SDK1: variants seen among roughly 807,000 people sequenced by gnomAD.
The protein encoded by SDK1 is protein sidekick-1.
SDK1 carries 157 observed loss-of-function variants against 245.5 expected under a neutral mutation model. That is an observed-to-expected ratio of 0.64 (90% CI 0.56 to 0.73). The LOEUF is 0.73. Ranked by LOEUF, SDK1 falls within the 30% of genes least tolerant of loss-of-function variation. The pLI is 0.00. For missense variants in SDK1, 3,583 were observed against 3,002.3 expected (o/e 1.19, Z -4.52); for synonymous variants, 1,647 against 1,278.5 (o/e 1.29, Z -6.15).
At chr7:3,414,524 A>G (rs1269530457) in intron 1 of SDK1, among the ~76,000 whole-genome samples, 1 of 152,220 alleles carries the variant, frequency 6.6e-6, no homozygotes, top group Non-Finnish European at 1.5e-5. Context: ...TTCCTTGATC[A>G]CAAAAAATGA....
chr7:4,083,457 T>C (rs1781193380), intron 22 of SDK1, among the ~76,000 whole-genome samples: 1 of 151,644 alleles, frequency 6.6e-6, no homozygotes, highest in Admixed American at 6.6e-5. Flanking sequence ...ACTTGACCTG[T>C]TCCTCTACCC....
intron 1 of SDK1, among the ~76,000 whole-genome samples, chr7:3,463,251 A>G (rs1267500575): frequency 1.3e-5 from 2 of 152,210 alleles, no homozygotes; most frequent in East Asian, 1.9e-4. Context: ...CTCAGTAACC[A>G]TGATAGCAAG....
At chr7:4,039,233 C>T (rs1432135568) in intron 17 of SDK1, among the ~76,000 whole-genome samples, 1 of 151,828 alleles carries the variant, frequency 6.6e-6, no homozygotes, top group African/African-American at 2.4e-5. Flanking sequence ...AGCACACCAA[C>T]ATGGCACATG....
At chr7:3,629,541 T>C (rs528971968) in intron 2 of SDK1, among the ~76,000 whole-genome samples, 1 of 152,276 alleles carries the variant, frequency 6.6e-6, no homozygotes, top group South Asian at 2.1e-4. Context: ...AAACCTCATA[T>C]TCATGAGTTT....
intron 1 of SDK1, chr7:3,338,573 G>C: frequency 3.5e-6 from 1 of 285,542 alleles, no homozygotes; most frequent in South Asian, 5.2e-5. Flanking sequence ...GAGCTGCTGG[G>C]GTGTCTCTCC....
chr7:3,475,980 A>G (rs1583914939), intron 1 of SDK1: 2 of 152,588 alleles, frequency 1.3e-5, no homozygotes, highest in African/African-American at 4.8e-5. Context: ...TGCTGTTTAT[A>G]CTTCCTGCTT....
At chr7:3,753,061 T>A (rs1192499452) in intron 4 of SDK1, among the ~76,000 whole-genome samples, 2 of 152,204 alleles carry the variant, frequency 1.3e-5, no homozygotes, top group African/African-American at 4.8e-5. Flanking sequence ...CACTGAGATC[T>A]TTCAATGTAC....
intron 25 of SDK1, among the ~76,000 whole-genome samples, chr7:4,124,898 G>A (rs1282412404): frequency 6.6e-6 from 1 of 150,988 alleles, no homozygotes; most frequent in Non-Finnish European, 1.5e-5. Flanking sequence ...ATGGGTGGAT[G>A]GATGGATGGA....
intron 43 of SDK1, among the ~76,000 whole-genome samples, chr7:4,242,834 G>A (rs142323453): frequency 1.8e-4 from 27 of 152,292 alleles, no homozygotes; most frequent in African/African-American, 6.0e-4. Context: ...TCCCTGGGCC[G>A]CCCCCGCCCT....
chr7:3,735,095 G>A (rs1428116128), intron 4 of SDK1, among the ~76,000 whole-genome samples: 1 of 152,036 alleles, frequency 6.6e-6, no homozygotes, highest in Non-Finnish European at 1.5e-5. Flanking sequence ...TCATAGGGCA[G>A]GAGTCCAGCT....
chr7:3,501,551 G>A (rs1483542354), intron 1 of SDK1, among the ~76,000 whole-genome samples: 1 of 152,084 alleles, frequency 6.6e-6, no homozygotes, highest in Non-Finnish European at 1.5e-5. Flanking sequence ...GTGGAAAGGT[G>A]ATTTAGTCAT....
chr7:3,590,611 G>T (rs13438455), intron 1 of SDK1, among the ~76,000 whole-genome samples: 9 of 152,088 alleles, frequency 5.9e-5, no homozygotes, highest in Non-Finnish European at 1.3e-4. Flanking sequence ...TTTTGGGGAA[G>T]ATTGCAAATT....
intron 5 of SDK1, among the ~76,000 whole-genome samples, chr7:3,895,564 G>A (rs1781581878): frequency 6.6e-6 from 1 of 152,174 alleles, no homozygotes; most frequent in African/African-American, 2.4e-5. Flanking sequence ...GCAGTGATGA[G>A]GAAGACAAGA....
chr7:3,571,458 A>G (rs1419812744), intron 1 of SDK1, among the ~76,000 whole-genome samples: 1 of 151,906 alleles, frequency 6.6e-6, no homozygotes, highest in African/African-American at 2.4e-5. Flanking sequence ...CCGTACCACC[A>G]TGCCCAGCTA....
Position 3,507,576 on chromosome 7 carries a change from T to C in SDK1, c.299-111504T>C, listed in dbSNP as rs181219501. The stretch of plus-strand genomic sequence containing the variant: ...GTGGCTGACAGTCCCCTCTGTATTA[T>C]TATTTAACCTGTTATTTTATAGTCC... On this transcript the variant is annotated intron_variant, in intron 1 of 44. Coordinates refer to ENST00000404826, the MANE Select transcript of SDK1 (RefSeq NM_152744.4). Among the ~76,000 whole-genome samples the C allele has an allele frequency of 4.0e-4, 61 of 152,300 alleles. 1 individual carries two copies. The highest frequency in any genetic ancestry group is 6.9e-4 in the Non-Finnish European group (47 of 68,014).
chr7:3,743,405 T>G (rs1372096107), intron 4 of SDK1, among the ~76,000 whole-genome samples: 1 of 152,164 alleles, frequency 6.6e-6, no homozygotes, highest in Non-Finnish European at 1.5e-5. Flanking sequence ...CTCTCTTACC[T>G]CTTTTCTCAT....
At chr7:3,934,850 A>G (rs184928786) in intron 5 of SDK1, among the ~76,000 whole-genome samples, 1 of 152,188 alleles carries the variant, frequency 6.6e-6, no homozygotes, top group East Asian at 1.9e-4. Context: ...AGGACACAGC[A>G]TGGAAAGGCA....
At chr7:3,934,414 G>A (rs1220627690) in intron 5 of SDK1, among the ~76,000 whole-genome samples, 2 of 152,218 alleles carry the variant, frequency 1.3e-5, no homozygotes, top group Non-Finnish European at 2.9e-5. Flanking sequence ...GTGAATCACA[G>A]GCTATGCAAA....
At chr7:3,676,538 G>T (rs940876372) in intron 4 of SDK1, among the ~76,000 whole-genome samples, 5 of 151,668 alleles carry the variant, frequency 3.3e-5, no homozygotes, top group African/African-American at 1.2e-4. Context: ...TGTTAGCCGG[G>T]ATGGTCTCAA....
Sources: gnomAD v4.1 joint callset for allele counts (sites outside exome capture counted in the v4.1 genomes callset) on GRCh38, gnomAD v4.1.1 for gene constraint, MANE v1.5 for transcripts, NCBI Gene and HGNC (gene_info 2026-07-23, HGNC 2026-07-21) for gene names.